The following DGKB variants were observed in gnomAD, a reference collection of about 807,000 sequenced individuals.
The protein encoded by DGKB is diacylglycerol kinase beta.
Under a neutral mutation model 114.3 loss-of-function variants are expected in DGKB, and 67 were observed. The ratio of observed to expected loss-of-function variants is 0.59; its 90% CI spans 0.48 to 0.72. The LOEUF is 0.72. Among genes scored for constraint, DGKB ranks in the 30% least tolerant of loss-of-function variants. DGKB has a pLI of 0.00. For synonymous variants in DGKB, 398 were observed against 323.1 expected, an observed-to-expected ratio of 1.23 and a Z score of -2.49; for missense variants, 907 against 975.2, an observed-to-expected ratio of 0.93 and a Z score of 0.93.
chr7:14,410,352 A>T (rs1824662431), intron 21 of DGKB, among the ~76,000 whole-genome samples: 1 of 151,578 alleles, frequency 6.6e-6, no homozygotes. Context: ...CTTTCTATTC[A>T]TTTTTCTCCA....
chr7:14,397,768 T>C (rs78258541), intron 21 of DGKB, among the ~76,000 whole-genome samples: 2,118 of 152,080 alleles, frequency 0.014, 45 homozygotes, highest in African/African-American at 0.049. Flanking sequence ...CAAAAAAAAG[T>C]GGATTGTGCT....
At chr7:14,282,486 G>C (rs1294970394) in intron 23 of DGKB, among the ~76,000 whole-genome samples, 1 of 151,750 alleles carries the variant, frequency 6.6e-6, no homozygotes, top group Non-Finnish European at 1.5e-5. Flanking sequence ...AATAGAAAAA[G>C]AGGGAATCCT....
chr7:14,512,126 G>C (rs536748841), intron 20 of DGKB, among the ~76,000 whole-genome samples: 1 of 152,292 alleles, frequency 6.6e-6, no homozygotes, highest in African/African-American at 2.4e-5. Flanking sequence ...GCTCAAAATA[G>C]GGTTGCCATA....
chr7:14,840,939 G>C (rs1847851578), intron 2 of DGKB, among the ~76,000 whole-genome samples: 1 of 151,994 alleles, frequency 6.6e-6, no homozygotes, highest in Non-Finnish European at 1.5e-5. Flanking sequence ...ATTACAGCTA[G>C]AGTGTTTTCC....
intron 23 of DGKB, among the ~76,000 whole-genome samples, chr7:14,291,456 A>G (rs571837884): frequency 6.6e-6 from 1 of 152,266 alleles, no homozygotes; most frequent in East Asian, 1.9e-4. Flanking sequence ...CTTGAAGTAA[A>G]ATGAGGTCTA....
At chr7:14,847,700 A>G (rs1586890092) in intron 1 of DGKB, among the ~76,000 whole-genome samples, 1 of 152,362 alleles carries the variant, frequency 6.6e-6, no homozygotes, top group East Asian at 1.9e-4. Context: ...ATATGAAAAA[A>G]GGCAACAAAG....
chr7:14,241,961 C>T (rs1264982482), intron 23 of DGKB, among the ~76,000 whole-genome samples: 165 of 19,854 alleles, frequency 8.3e-3, no homozygotes, highest in African/African-American at 0.056. Context: ...CACATATACA[C>T]ACACACACAC....
chr7:14,626,731 A>G (rs954270599), intron 14 of DGKB, among the ~76,000 whole-genome samples: 11 of 152,198 alleles, frequency 7.2e-5, no homozygotes, highest in Non-Finnish European at 1.5e-5. Flanking sequence ...ATTGCAGCAA[A>G]ACTATTTGCT....
chr7:14,247,988 T>C (rs1794721721), intron 23 of DGKB, among the ~76,000 whole-genome samples: 1 of 152,090 alleles, frequency 6.6e-6, no homozygotes, highest in South Asian at 2.1e-4. Context: ...AAAGGTTTTA[T>C]GTTTAAAATT....
intron 23 of DGKB, among the ~76,000 whole-genome samples, chr7:14,265,455 C>T (rs1435756341): frequency 6.6e-6 from 1 of 150,930 alleles, no homozygotes; most frequent in East Asian, 2.0e-4. Context: ...AATCCTGTGA[C>T]AGTTTCATAT....
chr7:14,159,220 T>G (rs12666221), intron 25 of DGKB, among the ~76,000 whole-genome samples: 119,645 of 151,896 alleles, frequency 0.79, 47,817 homozygotes, highest in East Asian at 1. Context: ...GTCTTCCTTC[T>G]GAACCCTGTA....
At chr7:14,344,082 T>C (rs573580253) in intron 22 of DGKB, among the ~76,000 whole-genome samples, 8 of 149,976 alleles carry the variant, frequency 5.3e-5, no homozygotes, top group African/African-American at 1.9e-4. Flanking sequence ...ATGTGTTATA[T>C]ATATCATTTT....
At chr7:14,149,971 A>G (rs1781946629) in intron 25 of DGKB, among the ~76,000 whole-genome samples, 1 of 152,128 alleles carries the variant, frequency 6.6e-6, no homozygotes, top group African/African-American at 2.4e-5. Context: ...TACGTCTGCA[A>G]TTTTCTCTAA....
In DGKB at chr7:14,212,459, A is replaced by G. The variant is rs537600593; in HGVS notation, c.2123-34308T>C. Among the ~76,000 whole-genome samples, 153 of 150,874 alleles carry G rather than the reference A, an allele frequency of 1.0e-3. 3 individuals carry two copies. Among genetic ancestry groups the G allele is most frequent in the African/African-American group, 3.5e-3 (145 of 41,078 alleles). On this transcript the variant is annotated intron_variant, in intron 23 of 25. Transcript: ENST00000402815. ...ACTCTCATGTTTTGTGTTCCTCTAC[A>G]TCTCTGGACACTTATTCCTAGCCTT... is the stretch of plus-strand genomic sequence containing the variant.
chr7:14,353,847 T>C (rs1813951910), intron 21 of DGKB, among the ~76,000 whole-genome samples: 1 of 152,238 alleles, frequency 6.6e-6, no homozygotes, highest in African/African-American at 2.4e-5. Context: ...TGCCAAGATA[T>C]GCAGATATCA....
rs376597768 is a variant in DGKB at position 14,685,236 on chromosome 7, T to G, written c.829+9A>C. The stretch of plus-strand genomic sequence containing the variant: ...GGAGATGATGTCCAGGCAGAGCAAA[T>G]GTACTCACAGGAACAGCAGAGGCCC... On this transcript the variant is annotated intron_variant, in intron 10 of 25. Coordinates refer to ENST00000402815, the MANE Select transcript of DGKB (RefSeq NM_001350709.2). 13 of 1,590,688 alleles carry G rather than the reference T, an allele frequency of 8.2e-6. No homozygotes were observed. The African/African-American group carries it at 1.7e-4, about 21-fold the overall frequency.
chr7:14,717,348 C>G (rs1828371753), intron 6 of DGKB, among the ~76,000 whole-genome samples: 1 of 152,052 alleles, frequency 6.6e-6, no homozygotes, highest in Non-Finnish European at 1.5e-5. Flanking sequence ...CCTGATAACA[C>G]CTGAGCAAAC....
chr7:14,751,539 A>G (rs1047929694), intron 4 of DGKB, among the ~76,000 whole-genome samples: 2 of 152,240 alleles, frequency 1.3e-5, no homozygotes, highest in African/African-American at 2.4e-5. Context: ...GTAATAGTGA[A>G]GAGAAGCAGA....
At chr7:14,239,654 A>G (rs1793353612) in intron 23 of DGKB, among the ~76,000 whole-genome samples, 1 of 151,642 alleles carries the variant, frequency 6.6e-6, no homozygotes, top group Non-Finnish European at 1.5e-5. Context: ...TAAGATCAAA[A>G]GATCAATGGA....
Sources: allele counts gnomAD v4.1 joint callset (sites outside exome capture counted in the v4.1 genomes callset), GRCh38; gene constraint gnomAD v4.1.1; transcripts MANE v1.5; gene names NCBI Gene and HGNC (gene_info 2026-07-23, HGNC 2026-07-21).